DIS3L2: variants seen among roughly 807,000 people sequenced by gnomAD.
DIS3L2 encodes DIS3 like 3'-5' exoribonuclease 2, also known as DIS3-like exonuclease 2.
In DIS3L2, 34 loss-of-function variants were observed where a neutral mutation model predicts 97.5. The ratio of observed to expected loss-of-function variants is 0.35; its 90% confidence interval spans 0.27 to 0.46. The LOEUF (loss-of-function observed/expected upper bound fraction) is 0.46, where lower values mean the gene tolerates loss of function less well. DIS3L2 is among the 20% of genes least tolerant of loss of function. The probability of loss-of-function intolerance (pLI) is 1.00; values close to 1 mark genes in which losing one functional copy is unlikely to be tolerated. For synonymous variants in DIS3L2, 435 were observed against 445.2 expected (o/e 0.98, Z 0.29); for missense variants, 1,038 against 1,146.0 (o/e 0.91, Z 1.36).
intron 9 of DIS3L2, among the ~76,000 whole-genome samples, chr2:232,172,211 T>C (rs999983816): frequency 6.6e-6 from 1 of 152,218 alleles, no homozygotes; most frequent in African/African-American, 2.4e-5. Flanking sequence ...TCTCGTATAT[T>C]GGTAGATTTG....
intron 13 of DIS3L2, among the ~76,000 whole-genome samples, chr2:232,275,237 C>T (rs1326083101): frequency 6.6e-6 from 1 of 152,214 alleles, no homozygotes; most frequent in Non-Finnish European, 1.5e-5. Context: ...AGCTTTCATT[C>T]GTTTTGTTTT....
chr2:232,197,214 AAATCCATTAAATGCTG>A (rs1343741659), intron 9 of DIS3L2, among the ~76,000 whole-genome samples: 1 of 152,194 alleles, frequency 6.6e-6, no homozygotes, highest in African/African-American at 2.4e-5. Flanking sequence ...ACTAGAATTT[AAATCCATTAAATGCTG>A]TCATTTACCC....
At chr2:232,115,920 C>G (rs908250393) in intron 6 of DIS3L2, among the ~76,000 whole-genome samples, 4 of 152,106 alleles carry the variant, frequency 2.6e-5, no homozygotes, top group African/African-American at 7.2e-5. Context: ...ATTACAGATC[C>G]TAGCACTTTG....
chr2:232,324,406 C>A (rs1199413337), intron 14 of DIS3L2, among the ~76,000 whole-genome samples: 1 of 152,132 alleles, frequency 6.6e-6, no homozygotes, highest in Admixed American at 6.5e-5. Context: ...GTGACAAGGG[C>A]CCTGGTGGCT....
In DIS3L2 at chr2:232,037,042, C is replaced by G. The variant is rs1160679101; in HGVS notation, c.366+6962C>G. 2.0e-5 allele frequency among the ~76,000 whole-genome samples: 3 copies of G among 152,230 alleles called. No homozygotes were observed. Among genetic ancestry groups the G allele is most frequent in the Non-Finnish European group, 4.4e-5 (3 of 68,036 alleles). On this transcript the variant is annotated intron_variant, in intron 5 of 20. Coordinates refer to ENST00000325385, the MANE Select transcript of DIS3L2 (RefSeq NM_152383.5). This position sits in a 1 kb window ranked among gnomAD's most constrained non-coding sequence, Gnocchi z 4.6. ...GAGGCAATCTGAGGAGGCAATCTGT[C>G]CCTTAGCAGAGCTAGAGCGCTGTGC...
intron 12 of DIS3L2, among the ~76,000 whole-genome samples, chr2:232,249,942 C>T (rs1472060251): frequency 6.6e-6 from 1 of 152,166 alleles, no homozygotes; most frequent in East Asian, 1.9e-4. Context: ...AGACCAAGAA[C>T]AGAGGAGAGA....
chr2:231,987,553 C>G (rs1693453309), intron 1 of DIS3L2, among the ~76,000 whole-genome samples: 1 of 152,240 alleles, frequency 6.6e-6, no homozygotes, highest in Admixed American at 6.5e-5. Flanking sequence ...TAAGGTAATC[C>G]CAAGGCTAGG....
At chr2:232,050,097 A>T (rs985354237) in intron 5 of DIS3L2, among the ~76,000 whole-genome samples, 1 of 151,882 alleles carries the variant, frequency 6.6e-6, no homozygotes, top group Non-Finnish European at 1.5e-5. Flanking sequence ...ACCTGTTTTC[A>T]TTGGTTGTTT....
At chr2:232,171,898 T>G (rs1691001195) in intron 9 of DIS3L2, among the ~76,000 whole-genome samples, 1 of 152,194 alleles carries the variant, frequency 6.6e-6, no homozygotes, top group Non-Finnish European at 1.5e-5. Context: ...TAGATTTTTG[T>G]CTGAACCAGG....
At chr2:231,971,156 CAGTTAAATTACTT>C (rs938983596) in intron 1 of DIS3L2, among the ~76,000 whole-genome samples, 9 of 152,140 alleles carry the variant, frequency 5.9e-5, no homozygotes, top group African/African-American at 2.2e-4. Flanking sequence ...TAACATTTTA[CAGTTAAATTACTT>C]ATTTGATTTC....
chr2:232,341,550 C>A (rs76267177), downstream of DIS3L2, among the ~76,000 whole-genome samples: 1 of 152,118 alleles, frequency 6.6e-6, no homozygotes, highest in Admixed American at 6.5e-5. Context: ...ATAGAAATGC[C>A]GAGTCAGGAT....
At chr2:232,086,650 T>TATATATATATATACAC (rs1696649195) in intron 5 of DIS3L2, among the ~76,000 whole-genome samples, 1 of 48,650 alleles carries the variant, frequency 2.1e-5, no homozygotes, top group Non-Finnish European at 3.8e-5. Flanking sequence ...TATATGTATA[T>TATATATATATATACAC]ATATATATAT....
At chr2:232,115,896 G>C (rs1403057699) in intron 6 of DIS3L2, among the ~76,000 whole-genome samples, 2 of 152,156 alleles carry the variant, frequency 1.3e-5, no homozygotes, top group African/African-American at 4.8e-5. Flanking sequence ...CTGGCGCGGT[G>C]GCTCACACAC....
chr2:232,184,259 T>G (rs900413116), intron 9 of DIS3L2, among the ~76,000 whole-genome samples: 1 of 152,182 alleles, frequency 6.6e-6, no homozygotes, highest in South Asian at 2.1e-4. Context: ...CTTTTCACTT[T>G]TATTGCTTGA....
intron 9 of DIS3L2, among the ~76,000 whole-genome samples, chr2:232,205,707 A>C (rs1692010729): frequency 6.6e-6 from 1 of 152,150 alleles, no homozygotes; most frequent in Non-Finnish European, 1.5e-5. Context: ...CTATAAATAA[A>C]ATCTCCTAGA....
intron 13 of DIS3L2, among the ~76,000 whole-genome samples, chr2:232,277,453 A>G (rs573762483): frequency 6.6e-6 from 1 of 152,360 alleles, no homozygotes; most frequent in Admixed American, 6.5e-5. Context: ...CCTTAGGAGT[A>G]CATTCTTAAA....
intron 9 of DIS3L2, among the ~76,000 whole-genome samples, chr2:232,182,128 G>T (rs1357120249): frequency 6.6e-6 from 1 of 152,010 alleles, no homozygotes; most frequent in African/African-American, 2.4e-5. Context: ...TTCATAGGTT[G>T]TATTTTGTTT....
At chr2:231,962,161 G>T (rs1462351004) in intron 1 of DIS3L2, among the ~76,000 whole-genome samples, 1 of 152,228 alleles carries the variant, frequency 6.6e-6, no homozygotes, top group African/African-American at 2.4e-5. Flanking sequence ...TTCAGGACTG[G>T]CAGGGATGGG....
chr2:232,182,968 G>T (rs1212028388), intron 9 of DIS3L2, among the ~76,000 whole-genome samples: 1 of 152,146 alleles, frequency 6.6e-6, no homozygotes, highest in Admixed American at 6.5e-5. Context: ...CTGAATGTCT[G>T]TGTTCCCTCT....
Sources: allele counts gnomAD v4.1 joint callset (sites outside exome capture counted in the v4.1 genomes callset), GRCh38; gene constraint gnomAD v4.1.1; non-coding constraint Gnocchi (gnomAD v3.1); transcripts MANE v1.5; gene names NCBI Gene and HGNC (gene_info 2026-07-23, HGNC 2026-07-21).